GLB1L3: variants seen among roughly 807,000 people sequenced by gnomAD.
GLB1L3 encodes the protein beta-galactosidase-1-like protein 3.
In GLB1L3, 89 loss-of-function variants were observed where a neutral mutation model predicts 89.5. The ratio of observed to expected loss-of-function variants is 0.99; its 90% CI spans 0.84 to 1.19. The LOEUF is 1.19. Ranked by LOEUF, GLB1L3 falls within the 50% of genes most tolerant of loss-of-function variation. The pLI is 0.00. For missense variants in GLB1L3, 812 were observed against 813.3 expected, an observed-to-expected ratio of 1.00 and a Z score of 0.02; for synonymous variants, 314 against 312.3, an observed-to-expected ratio of 1.01 and a Z score of -0.06.
intron 3 of GLB1L3, among the ~76,000 whole-genome samples, 172 bp from the exon 4 acceptor site, chr11:134,281,205 A>G (rs558207653): frequency 6.6e-6 from 1 of 152,358 alleles, no homozygotes; most frequent in Non-Finnish European, 1.5e-5. Flanking sequence ...TAGAGCAAGG[A>G]ACTATTAAAG....
At chr11:134,281,112 G>A (rs1227000749) in intron 3 of GLB1L3, among the ~76,000 whole-genome samples, 1 of 152,116 alleles carries the variant, frequency 6.6e-6, no homozygotes, top group South Asian at 2.1e-4. Context: ...TTACAATAGG[G>A]CAGTGAGTGG....
chr11:134,307,933 T>A (rs188832755), intron 10 of GLB1L3, among the ~76,000 whole-genome samples: 1 of 152,236 alleles, frequency 6.6e-6, no homozygotes, highest in Admixed American at 6.5e-5. Context: ...AGAGCTGTTA[T>A]GAAAACAAGG....
At chr11:134,316,718 C>T (rs1198894879) in intron 18 of GLB1L3, 3 of 152,122 alleles carry the variant, frequency 2.0e-5, no homozygotes, top group Non-Finnish European at 4.4e-5. Context: ...CAGGTTAGGG[C>T]CAATCTTCTT....
Position 134,318,638 on chromosome 11 carries a change from A to C in GLB1L3, c.1787A>C (p.Asn596Thr). 1 of 1,600,672 alleles carries C rather than the reference A, an allele frequency of 6.2e-7. No homozygotes were observed. The highest frequency in any genetic ancestry group is 8.6e-7 in the Non-Finnish European group (1 of 1,168,966). Residue 596 changes from asparagine (N) to threonine (T), a missense_variant, in exon 19 of 20, where the codon AAT (asparagine) becomes ACT (threonine). Asn to Thr is a moderately conservative substitution (Grantham distance 65, BLOSUM62 0). Coordinates refer to ENST00000431683, the MANE Select transcript of GLB1L3 (RefSeq NM_001080407.3). ...AGCCACCATTCCTTTCAGAACTGGA[A>C]TTATGGATTTGTGTTCATCAATGGA... ...KDTFLSLLNW[N>T]YGFVFINGRN...
chr11:134,313,594 C>T, intron 16 of GLB1L3, 120 bp downstream of exon 16: 1 of 886,060 alleles, frequency 1.1e-6, no homozygotes, highest in South Asian at 1.6e-5. Flanking sequence ...TACCCAGGCC[C>T]TGGGAGCAGA....
chr11:134,321,918 TAAAAA>T (rs34751396), downstream of GLB1L3, among the ~76,000 whole-genome samples: 16 of 147,986 alleles, frequency 1.1e-4, no homozygotes, highest in African/African-American at 3.5e-4. Flanking sequence ...TAAAGTATAA[TAAAAA>T]AAAAAGTACA....
At chr11:134,323,035 A>ATT (rs1218400498), downstream of GLB1L3, among the ~76,000 whole-genome samples, 4 of 152,184 alleles carry the variant, frequency 2.6e-5, no homozygotes, top group African/African-American at 9.7e-5. Context: ...TCCCACCAAC[A>ATT]AGGTATTAGG....
chr11:134,309,407 T>G (rs1470763168), intron 10 of GLB1L3, among the ~76,000 whole-genome samples: 4 of 152,202 alleles, frequency 2.6e-5, no homozygotes, highest in Admixed American at 6.5e-5. Context: ...TAATACTGTT[T>G]TCTTCAACAT....
rs551014932 is a variant in GLB1L3, at chr11:134,313,285, G to A, written c.1501-111G>A. 60 of 751,088 alleles carry A rather than the reference G, an allele frequency of 8.0e-5. 1 individual carries two copies. In the South Asian group the frequency reaches 9.6e-4, roughly 12 times the overall value. The allele number at this position is 751,088 out of a possible 1,614,324, so 46.5% of individuals were successfully genotyped here. ...GAAGGGAAGACTGCTGGGCCCTGGA[G>A]CCTCCTGTTCTCCCATGTGTCTCTC... On this transcript the variant is annotated intron_variant, in intron 15 of 19. Coordinates refer to ENST00000431683, the MANE Select transcript of GLB1L3 (RefSeq NM_001080407.3).
chr11:134,313,355 C>T (rs1201334994), intron 15 of GLB1L3, 41 bp from the exon 16 acceptor site: 2 of 1,503,390 alleles, frequency 1.3e-6, no homozygotes, highest in African/African-American at 2.8e-5. Flanking sequence ...TAGACGCCCT[C>T]CATGGCTGCG....
At chr11:134,295,404 A>G (rs1371773781) in intron 9 of GLB1L3, among the ~76,000 whole-genome samples, 2 of 152,202 alleles carry the variant, frequency 1.3e-5, no homozygotes, top group Non-Finnish European at 1.5e-5. Flanking sequence ...ATTCGTGGAC[A>G]TAGAGTTGTT....
At chr11:134,295,697 T>G (rs1941595710) in intron 9 of GLB1L3, among the ~76,000 whole-genome samples, 1 of 152,182 alleles carries the variant, frequency 6.6e-6, no homozygotes, top group African/African-American at 2.4e-5. Flanking sequence ...CTGGTGGAAA[T>G]TTAGCTTACT....
Position 134,310,624 on chromosome 11 carries a change from CT to C in GLB1L3, c.1155del (p.Gln386LysfsTer27), listed in dbSNP as rs1942680501. The part of the protein sequence containing the change: ...AGDYTEKYLK[L>X]QKLFQSVSAT... Reference sequence around the variant, plus strand: ...AGATTACACAGAAAAATATCTGAAGCTTCAAAAACTCTTTCAATCTGTCTCA... The same window carrying C: ...AGATTACACAGAAAAATATCTGAAGCTCAAAAACTCTTTCAATCTGTCTCA... On this transcript the variant is annotated frameshift_variant, in exon 12 of 20. Coordinates refer to ENST00000431683, the MANE Select transcript of GLB1L3 (RefSeq NM_001080407.3). LOFTEE classifies it high-confidence loss of function. The C allele has an allele frequency of 1.1e-5, 17 of 1,613,378 alleles. No homozygotes were observed. In the East Asian group the frequency reaches 3.8e-4, roughly 36 times the overall value.
chr11:134,314,058 T>G (rs747107983), intron 17 of GLB1L3, 30 bp downstream of exon 17: 5 of 1,401,000 alleles, frequency 3.6e-6, no homozygotes, highest in Non-Finnish European at 5.0e-6. Flanking sequence ...CAGTGCACAC[T>G]TCAGTGATCG....
At chr11:134,304,635 A>C (rs1416439153) in intron 9 of GLB1L3, among the ~76,000 whole-genome samples, 2 of 151,320 alleles carry the variant, frequency 1.3e-5, no homozygotes, top group East Asian at 3.9e-4. Flanking sequence ...TTTCTATTTT[A>C]TCTGCCTTAA....
chr11:134,282,194 G>T, intron 5 of GLB1L3, 74 bp downstream of exon 5: 1 of 1,452,814 alleles, frequency 6.9e-7, no homozygotes, highest in East Asian at 2.5e-5. Context: ...TTTCAAGCTA[G>T]TAACAAGGAA....
At chr11:134,290,575 C>CG (rs1211611023) in intron 7 of GLB1L3, among the ~76,000 whole-genome samples, 26 of 111,052 alleles carry the variant, frequency 2.3e-4, no homozygotes, top group African/African-American at 8.4e-4. Flanking sequence ...TCGTCCCCCC[C>CG]CGCCAAAAAA....
chr11:134,282,189 A>G, intron 5 of GLB1L3, 69 bp downstream of exon 5: 1 of 1,459,620 alleles, frequency 6.9e-7, no homozygotes, highest in Non-Finnish European at 9.1e-7. Context: ...GTGAATTTCA[A>G]GCTAGTAACA....
In GLB1L3 at chr11:134,277,422, G is replaced by C; in HGVS notation, c.120G>C (p.Met40Ile). ...GGTTTAAGCAGGAAGAGAACTTCAT[G>C]CTTGGAAGAGCGCATCCGTCCCAGC... ...APRFKQEENF[M>I]LGRAHPSQPR... The change falls in exon 2 of 20, where the codon ATG (methionine) becomes ATC (isoleucine). Residue 40 changes from methionine (M) to isoleucine (I), a missense_variant. By Grantham distance (10) the Met-to-Ile change is conservative. Coordinates refer to ENST00000431683, the MANE Select transcript of GLB1L3 (RefSeq NM_001080407.3). 6.2e-7 allele frequency: 1 copy of C among 1,613,774 alleles called. No individual in the cohort carries two copies. Among genetic ancestry groups the C allele is most frequent in the Non-Finnish European group, 8.5e-7 (1 of 1,179,786 alleles).
Sources: gnomAD v4.1 joint callset for allele counts (sites outside exome capture counted in the v4.1 genomes callset) on GRCh38, gnomAD v4.1.1 for gene constraint, MANE v1.5 for transcripts, NCBI Gene and HGNC (gene_info 2026-07-23, HGNC 2026-07-21) for gene names.